The following AMD1 variants were observed in gnomAD, a reference collection of about 807,000 sequenced individuals.
AMD1 encodes the protein S-adenosylmethionine decarboxylase proenzyme.
AMD1 carries 11 observed loss-of-function variants against 40.2 expected under a neutral mutation model. The observed-to-expected ratio is 0.27, with a 90% CI of 0.17 to 0.45. The LOEUF (loss-of-function observed/expected upper bound fraction) is 0.45. Among genes scored for constraint, AMD1 ranks in the 20% least tolerant of loss-of-function variants. The pLI is 1.00. For synonymous variants in AMD1, 121 were observed against 130.8 expected, an observed-to-expected ratio of 0.93 and a Z score of 0.51; for missense variants, 257 against 410.2, an observed-to-expected ratio of 0.63 and a Z score of 3.23.
the AMD1 span, chr6:110,815,163 G>T: frequency 6.4e-7 from 1 of 1,564,164 alleles, no homozygotes; most frequent in Non-Finnish European, 8.6e-7. Flanking sequence ...AGAGGCACGG[G>T]ACGCGGGGGC....
the AMD1 span, among the ~76,000 whole-genome samples, chr6:110,835,621 T>C: frequency 8.0e-3 from 1,210 of 152,110 alleles, 24 homozygotes; most frequent in African/African-American, 0.028. Flanking sequence ...ATCCCAGCAC[T>C]TTGGGAGGCC....
chr6:110,874,307 T>G (rs1328986937), upstream of AMD1, among the ~76,000 whole-genome samples: 5 of 152,162 alleles, frequency 3.3e-5, no homozygotes, highest in African/African-American at 1.2e-4. Context: ...GCGTTCGCCT[T>G]GGGAAAACAC....
Position 110,875,045 on chromosome 6 carries a change from G to C in AMD1, c.-61G>C. ...TCCGCAGCGGCGGCGGCAGCGGCGGGAGAAGAGGTTTAATTTAGTTGATTT... is the reference window on the plus strand; with the variant it reads ...TCCGCAGCGGCGGCGGCAGCGGCGGCAGAAGAGGTTTAATTTAGTTGATTT... On this transcript the variant is annotated 5_prime_UTR_variant, in exon 1 of 9. Coordinates refer to ENST00000368885, the MANE Select transcript of AMD1 (RefSeq NM_001634.6). 2 of 1,347,986 alleles carry C rather than the reference G, an allele frequency of 1.5e-6. No homozygotes were observed. The highest frequency in any genetic ancestry group is 2.1e-6 in the Non-Finnish European group (2 of 964,066). 83.5% of individuals were successfully genotyped at this position (1,347,986 alleles called of 1,614,324 possible).
the AMD1 span, chr6:110,859,286 G>A: frequency 2.9e-6 from 1 of 343,198 alleles, no homozygotes; most frequent in Non-Finnish European, 5.6e-6. Flanking sequence ...TGGGATCAGG[G>A]AGGTCTTTCT....
the AMD1 span, among the ~76,000 whole-genome samples, chr6:110,865,947 G>A: frequency 6.6e-6 from 1 of 151,104 alleles, no homozygotes; most frequent in East Asian, 2.0e-4. Flanking sequence ...ATTTTCAGTA[G>A]AGATGAGGTT....
intron 2 of AMD1, among the ~76,000 whole-genome samples, chr6:110,887,874 C>T (rs749566306): frequency 4.6e-5 from 7 of 151,984 alleles, no homozygotes; most frequent in East Asian, 1.9e-4. Context: ...TTAGTAGAGA[C>T]GGGGTTTCAC....
chr6:110,887,910 TC>T (rs1785784805), intron 2 of AMD1, among the ~76,000 whole-genome samples: 1 of 152,116 alleles, frequency 6.6e-6, no homozygotes, highest in Non-Finnish European at 1.5e-5. Flanking sequence ...GGTCTTGAAC[TC>T]CTGACCTCAG....
chr6:110,885,650 AT>A (rs1426379425), intron 1 of AMD1, among the ~76,000 whole-genome samples: 1 of 152,220 alleles, frequency 6.6e-6, no homozygotes, highest in Non-Finnish European at 1.5e-5. Flanking sequence ...TTCTTTCCAT[AT>A]ATGAACAAAT....
chr6:110,874,127 G>C (rs1329510492), upstream of AMD1, among the ~76,000 whole-genome samples: 2 of 152,226 alleles, frequency 1.3e-5, no homozygotes, highest in Non-Finnish European at 2.9e-5. Context: ...GCGCCACGTT[G>C]CTTTTCTCTT....
intron 1 of AMD1, among the ~76,000 whole-genome samples, chr6:110,885,653 T>C (rs374367649): frequency 7.9e-5 from 12 of 152,334 alleles, no homozygotes; most frequent in African/African-American, 2.9e-4. Context: ...TTTCCATATA[T>C]GAACAAATTG....
chr6:110,880,305 A>G (rs1412555598), intron 1 of AMD1, among the ~76,000 whole-genome samples: 3 of 152,062 alleles, frequency 2.0e-5, no homozygotes, highest in Non-Finnish European at 2.9e-5. Flanking sequence ...GGTGACTTGC[A>G]AGTATTTTAT....
upstream of AMD1, among the ~76,000 whole-genome samples, chr6:110,873,119 C>A (rs918748332): frequency 2.0e-5 from 3 of 152,296 alleles, no homozygotes; most frequent in Non-Finnish European, 2.9e-5. Context: ...CCTCCCAGCA[C>A]TTTGGGAGGC....
At chr6:110,844,227 CA>C in the AMD1 span, among the ~76,000 whole-genome samples, 2 of 141,884 alleles carry the variant, frequency 1.4e-5, no homozygotes, top group Non-Finnish European at 1.5e-5. Context: ...GTCCCTACTT[CA>C]AAAAAAAAGA....
At chr6:110,825,822 G>T in the AMD1 span, among the ~76,000 whole-genome samples, 23 of 152,248 alleles carry the variant, frequency 1.5e-4, no homozygotes, top group East Asian at 2.7e-3. Context: ...ACTTAGTACA[G>T]AGCTGCTGTC....
At chr6:110,876,911 G>T (rs575782271) in intron 1 of AMD1, among the ~76,000 whole-genome samples, 1 of 152,256 alleles carries the variant, frequency 6.6e-6, no homozygotes, top group South Asian at 2.1e-4. Flanking sequence ...TTAAATAATA[G>T]TAAGTACATG....
intron 2 of AMD1, 97 bp from the exon 3 acceptor site, chr6:110,888,760 G>A: frequency 2.3e-6 from 3 of 1,288,940 alleles, no homozygotes; most frequent in Admixed American, 2.2e-5. Context: ...ATATTTAAAA[G>A]TACTAGCCAA....
chr6:110,830,070 A>G, the AMD1 span, among the ~76,000 whole-genome samples: 2 of 151,724 alleles, frequency 1.3e-5, no homozygotes, highest in Admixed American at 6.6e-5. Context: ...GCTGGAGTGC[A>G]GTGGCGCGAT....
the AMD1 span, among the ~76,000 whole-genome samples, chr6:110,845,113 C>T: frequency 7.2e-6 from 1 of 138,472 alleles, no homozygotes; most frequent in Non-Finnish European, 1.5e-5. Flanking sequence ...GATCTCAGCT[C>T]ACTGCAACTT....
At chr6:110,836,012 C>CAAAAAAAAAAAAA in the AMD1 span, among the ~76,000 whole-genome samples, 1 of 60,750 alleles carries the variant, frequency 1.6e-5, no homozygotes, top group Non-Finnish European at 3.2e-5. Context: ...GACCTTGACT[C>CAAAAAAAAAAAAA]AAAAAAAAAA....
Sources: gnomAD v4.1 joint callset for allele counts (sites outside exome capture counted in the v4.1 genomes callset) on GRCh38, gnomAD v4.1.1 for gene constraint, MANE v1.5 for transcripts, NCBI Gene and HGNC (gene_info 2026-07-23, HGNC 2026-07-21) for gene names.